The following BBX variants were observed in gnomAD, a reference collection of about 807,000 sequenced individuals.
BBX encodes BBX high mobility group box domain containing, also known as HMG box transcription factor BBX.
In BBX, 30 loss-of-function variants were observed where a neutral mutation model predicts 100.2. The ratio of observed to expected loss-of-function variants is 0.30; its 90% CI spans 0.22 to 0.41. The LOEUF (loss-of-function observed/expected upper bound fraction) is 0.41, where lower values mean the gene tolerates loss of function less well. BBX is among the 10% of genes least tolerant of loss of function. The pLI, the probability that BBX is intolerant of heterozygous loss-of-function variation, is 1.00. For missense variants in BBX, 1,023 were observed against 1,129.8 expected, an observed-to-expected ratio of 0.91 and a Z score of 1.35; for synonymous variants, 376 against 388.1, an observed-to-expected ratio of 0.97 and a Z score of 0.37.
At position 107,698,429 on chromosome 3, in the gene BBX, G is replaced by A. The variant is rs137917991; in HGVS notation, c.-9-12023G>A. On this transcript the variant is annotated intron_variant, in intron 3 of 17. Transcript: ENST00000325805. ...GCACTTTGGGAGGCTGAAGCGGGCG[G>A]CTCACAAGGTCAGGAGTTTGACATC... is the stretch of plus-strand genomic sequence containing the variant. Among the ~76,000 whole-genome samples, 621 of 151,692 alleles carry A rather than the reference G, an allele frequency of 4.1e-3. 2 individuals are homozygous for A. The highest frequency in any genetic ancestry group is 6.5e-3 in the Non-Finnish European group (444 of 68,006).
At chr3:107,617,920 T>C (rs2055418876) in intron 2 of BBX, among the ~76,000 whole-genome samples, 1 of 151,944 alleles carries the variant, frequency 6.6e-6, no homozygotes, top group Admixed American at 6.6e-5. Flanking sequence ...TCCAGCACTA[T>C]GTGAATAAGA....
At chr3:107,693,114 G>A (rs2060304446) in intron 3 of BBX, among the ~76,000 whole-genome samples, 1 of 148,116 alleles carries the variant, frequency 6.8e-6, no homozygotes, top group Admixed American at 6.7e-5. Context: ...TGTCAGATGA[G>A]TAGGTTGTGA....
intron 14 of BBX, among the ~76,000 whole-genome samples, chr3:107,790,367 G>C (rs1318888563): frequency 6.6e-6 from 1 of 152,058 alleles, no homozygotes; most frequent in African/African-American, 2.4e-5. Context: ...TGTAACCTGT[G>C]TCTCTTCTTC....
intron 3 of BBX, among the ~76,000 whole-genome samples, chr3:107,675,742 C>T (rs556297738): frequency 6.6e-6 from 1 of 152,174 alleles, no homozygotes; most frequent in South Asian, 2.1e-4. Flanking sequence ...GTCAAGAGAC[C>T]CAGAGCTTAA....
chr3:107,619,675 TTTA>T (rs2055591043), intron 2 of BBX, among the ~76,000 whole-genome samples: 1 of 152,136 alleles, frequency 6.6e-6, no homozygotes, highest in Non-Finnish European at 1.5e-5. Context: ...GGAGAGTGTC[TTTA>T]TTCCCTTTCC....
chr3:107,785,938 C>T (rs1179298432), intron 13 of BBX, among the ~76,000 whole-genome samples: 1 of 151,908 alleles, frequency 6.6e-6, no homozygotes, highest in Non-Finnish European at 1.5e-5. Flanking sequence ...CCTAAGGAAT[C>T]CACCAAAAAA....
At chr3:107,587,823 C>T (rs1188093780) in intron 2 of BBX, among the ~76,000 whole-genome samples, 1 of 152,166 alleles carries the variant, frequency 6.6e-6, no homozygotes, top group Non-Finnish European at 1.5e-5. Flanking sequence ...TATCTACAAT[C>T]CACCCATTTA....
intron 2 of BBX, among the ~76,000 whole-genome samples, chr3:107,532,123 G>A (rs192854769): frequency 9.2e-5 from 14 of 152,182 alleles, no homozygotes; most frequent in Non-Finnish European, 1.8e-4. Flanking sequence ...GAGCCCGCAC[G>A]GTTGAGGCTG....
intron 2 of BBX, among the ~76,000 whole-genome samples, chr3:107,592,165 A>T (rs957935330): frequency 6.6e-6 from 1 of 152,006 alleles, no homozygotes; most frequent in African/African-American, 2.4e-5. Context: ...AATGTAATCT[A>T]CTTACTGTTC....
At chr3:107,670,895 G>A (rs1208585723) in intron 3 of BBX, among the ~76,000 whole-genome samples, 1 of 152,008 alleles carries the variant, frequency 6.6e-6, no homozygotes. Flanking sequence ...TGGAAGGCTG[G>A]TGTTTGTTTT....
At chr3:107,577,374 G>A (rs1321878318) in intron 2 of BBX, among the ~76,000 whole-genome samples, 1 of 152,018 alleles carries the variant, frequency 6.6e-6, no homozygotes, top group Non-Finnish European at 1.5e-5. Flanking sequence ...TAAATTTGTC[G>A]AAAGAACATT....
chr3:107,744,978 G>A (rs905209149), intron 8 of BBX, among the ~76,000 whole-genome samples: 7 of 152,132 alleles, frequency 4.6e-5, no homozygotes, highest in African/African-American at 1.7e-4. Flanking sequence ...GGATAGTAAG[G>A]TTAAGAATAT....
intron 14 of BBX, 41 bp downstream of exon 14, chr3:107,789,917 C>A (rs942432125): frequency 6.9e-7 from 1 of 1,439,168 alleles, no homozygotes; most frequent in African/African-American, 1.4e-5. Flanking sequence ...TTCTTGGTCA[C>A]CTCCATTGTG....
At chr3:107,726,265 G>A (rs573522546) in intron 5 of BBX, among the ~76,000 whole-genome samples, 6 of 151,900 alleles carry the variant, frequency 3.9e-5, no homozygotes, top group Non-Finnish European at 7.4e-5. Flanking sequence ...GCCAACTTCC[G>A]AGAACAGATA....
intron 4 of BBX, among the ~76,000 whole-genome samples, chr3:107,713,967 C>CTTTTTTTTTTTTTTTTTTTTTTT (rs569427270): frequency 3.6e-5 from 3 of 82,320 alleles, no homozygotes; most frequent in Admixed American, 1.5e-4. Flanking sequence ...TAATTTTTTT[C>CTTTTTTTTTTTTTTTTTTTTTTT]TTTTTTTTTT....
intron 2 of BBX, among the ~76,000 whole-genome samples, chr3:107,593,785 C>CA (rs1559851874): frequency 6.6e-6 from 1 of 152,150 alleles, no homozygotes; most frequent in East Asian, 1.9e-4. Context: ...AACAAACAAA[C>CA]AAAAAAAGTC....
At chr3:107,608,287 A>G (rs1262419795) in intron 2 of BBX, among the ~76,000 whole-genome samples, 1 of 152,184 alleles carries the variant, frequency 6.6e-6, no homozygotes, top group Non-Finnish European at 1.5e-5. Flanking sequence ...TCTTCTGCAT[A>G]TGGATATCGG....
At chr3:107,708,598 G>A (rs934880749) in intron 3 of BBX, among the ~76,000 whole-genome samples, 17 of 151,290 alleles carry the variant, frequency 1.1e-4, no homozygotes, top group African/African-American at 3.9e-4. Flanking sequence ...TGCTTGAACC[G>A]GGGAGGCAGA....
At chr3:107,543,805 C>T (rs1231170772) in intron 2 of BBX, among the ~76,000 whole-genome samples, 1 of 152,154 alleles carries the variant, frequency 6.6e-6, no homozygotes, top group Non-Finnish European at 1.5e-5. Flanking sequence ...TCCATGAAAG[C>T]ATAAATTGCT....
Sources: allele counts gnomAD v4.1 joint callset (sites outside exome capture counted in the v4.1 genomes callset), GRCh38; gene constraint gnomAD v4.1.1; transcripts MANE v1.5; gene names NCBI Gene and HGNC (gene_info 2026-07-23, HGNC 2026-07-21).